STXBP5L: variants seen among roughly 807,000 people sequenced by gnomAD.
The protein encoded by STXBP5L is syntaxin-binding protein 5-like.
In STXBP5L, 65 loss-of-function variants were observed where a neutral mutation model predicts 144.5. The ratio of observed to expected loss-of-function variants is 0.45; its 90% confidence interval spans 0.37 to 0.55. The LOEUF (loss-of-function observed/expected upper bound fraction) is 0.55, where lower values mean the gene tolerates loss of function less well. STXBP5L is among the 20% of genes least tolerant of loss of function. The probability of loss-of-function intolerance (pLI) is 0.00; values close to 1 mark genes in which losing one functional copy is unlikely to be tolerated. For synonymous variants in STXBP5L, 505 were observed against 469.6 expected (o/e 1.08, Z -0.97); for missense variants, 1,298 against 1,405.5 (o/e 0.92, Z 1.22).
intron 5 of STXBP5L, among the ~76,000 whole-genome samples, chr3:121,045,878 T>C (rs1269903717): frequency 6.6e-6 from 1 of 152,148 alleles, no homozygotes; most frequent in Non-Finnish European, 1.5e-5. Context: ...GCATGATTGC[T>C]CTGCCTAGGA....
chr3:121,150,604 T>C (rs1393606435), intron 7 of STXBP5L, among the ~76,000 whole-genome samples: 1 of 152,202 alleles, frequency 6.6e-6, no homozygotes, highest in Non-Finnish European at 1.5e-5. Context: ...AAATCAACTT[T>C]TATCTTTCAG....
chr3:120,967,501 T>C (rs80115122), intron 3 of STXBP5L, among the ~76,000 whole-genome samples: 18,291 of 152,240 alleles, frequency 0.12, 1,150 homozygotes, highest in Non-Finnish European at 0.14. Flanking sequence ...TTTAGGTCTC[T>C]CTTTTGTTCT....
chr3:120,999,135 C>G (rs557172485), intron 3 of STXBP5L, among the ~76,000 whole-genome samples: 1 of 152,120 alleles, frequency 6.6e-6, no homozygotes, highest in Non-Finnish European at 1.5e-5. Flanking sequence ...TCACTGCAAC[C>G]TCTTCCTCCC....
chr3:121,236,554 C>A (rs2049489651), intron 12 of STXBP5L, among the ~76,000 whole-genome samples: 1 of 152,116 alleles, frequency 6.6e-6, no homozygotes, highest in African/African-American at 2.4e-5. Context: ...TTTTAAACAA[C>A]CAGCTCTCAT....
chr3:121,414,303 C>T (rs1218473023), intron 24 of STXBP5L, among the ~76,000 whole-genome samples: 25 of 152,074 alleles, frequency 1.6e-4, no homozygotes, highest in Admixed American at 1.6e-3. Context: ...TGTGCCAGTA[C>T]TGGGGAGACA....
At chr3:121,114,507 T>C (rs892049297) in intron 5 of STXBP5L, among the ~76,000 whole-genome samples, 1 of 152,170 alleles carries the variant, frequency 6.6e-6, no homozygotes, top group Non-Finnish European at 1.5e-5. Context: ...AAATATGATC[T>C]TAAAAATAGA....
intron 2 of STXBP5L, among the ~76,000 whole-genome samples, chr3:120,939,274 T>C (rs1313997144): frequency 6.6e-6 from 1 of 152,210 alleles, no homozygotes; most frequent in Non-Finnish European, 1.5e-5. Flanking sequence ...GACTTCTTGG[T>C]TTATTGCTAA....
chr3:121,244,969 C>G (rs896313002), intron 14 of STXBP5L, among the ~76,000 whole-genome samples: 1 of 152,034 alleles, frequency 6.6e-6, no homozygotes, highest in African/African-American at 2.4e-5. Flanking sequence ...CTAGACAACA[C>G]CACCGAAGCA....
At position 121,206,014 on chromosome 3, in the gene STXBP5L, A is replaced by C. The variant is rs754860552; in HGVS notation, c.956+13A>C. On this transcript the variant is annotated intron_variant, in intron 10 of 26. Transcript: ENST00000471454. Reference sequence around the variant, plus strand: ...CCTGCAAAAACAGGTATGCATTTTTACTTTAGGGAAAGAGGGATACGAAGC... The same window carrying C: ...CCTGCAAAAACAGGTATGCATTTTTCCTTTAGGGAAAGAGGGATACGAAGC... The C allele has an allele frequency of 2.1e-6, 3 of 1,459,276 alleles. No individual in the cohort carries two copies. The highest frequency in any genetic ancestry group is 1.8e-6 in the Non-Finnish European group (2 of 1,095,602). The allele number at this position is 1,459,276 out of a possible 1,614,324, so 90.4% of individuals were successfully genotyped here. A position where few individuals can be genotyped will look rare whatever the true frequency, so the allele number is the denominator to read the frequency against.
In STXBP5L at chr3:121,218,215, C is replaced by CTATAT. The variant is rs1443280743; in HGVS notation, c.957-4788_957-4787insTATAT. Among the ~76,000 whole-genome samples, 20 of 137,948 alleles carry CTATAT rather than the reference C, an allele frequency of 1.4e-4. No individual in the cohort carries two copies. In the East Asian group the frequency reaches 3.6e-3, roughly 25 times the overall value. The allele number at this position is 137,948 out of a possible 152,430, so 90.5% of individuals were successfully genotyped here. A position where few individuals can be genotyped will look rare whatever the true frequency, so the allele number is the denominator to read the frequency against. ...AGTATATATATTACTATATACTATA[C>CTATAT]ATAGTATAATATAGTATATATATTA... On this transcript the variant is annotated intron_variant, in intron 10 of 26. Coordinates refer to ENST00000471454, the MANE Select transcript of STXBP5L (RefSeq NM_001308330.2).
At chr3:121,299,358 A>C (rs1441487369) in intron 19 of STXBP5L, among the ~76,000 whole-genome samples, 1 of 152,168 alleles carries the variant, frequency 6.6e-6, no homozygotes, top group Non-Finnish European at 1.5e-5. Flanking sequence ...CTGTTTTTTC[A>C]GAGACAGTAA....
At position 120,961,707 on chromosome 3, in the gene STXBP5L, T is replaced by C. The variant is rs554486772; in HGVS notation, c.287+6670T>C. 2.6e-5 allele frequency among the ~76,000 whole-genome samples: 4 copies of C among 152,352 alleles called. No individual in the cohort carries two copies. The South Asian group carries it at 8.3e-4, about 32-fold the overall frequency. On this transcript the variant is annotated intron_variant, in intron 3 of 26. Coordinates refer to ENST00000471454, the MANE Select transcript of STXBP5L (RefSeq NM_001308330.2). ...ATTTGGGATGCTTCCAAGTCTTTGCTGTTGTGAATAGTGCCACCATAAACA... is the reference window on the plus strand; with the variant it reads ...ATTTGGGATGCTTCCAAGTCTTTGCCGTTGTGAATAGTGCCACCATAAACA...
intron 7 of STXBP5L, among the ~76,000 whole-genome samples, chr3:121,140,397 A>G (rs1004395311): frequency 3.3e-5 from 5 of 152,184 alleles, no homozygotes; most frequent in Non-Finnish European, 5.9e-5. Context: ...TATATAACTA[A>G]ATGAATTGCA....
intron 22 of STXBP5L, among the ~76,000 whole-genome samples, chr3:121,389,751 C>G (rs986243848): frequency 2.0e-5 from 3 of 152,164 alleles, no homozygotes; most frequent in East Asian, 1.9e-4. Context: ...GTCTGAGAGA[C>G]AGTTTGTTGT....
At chr3:121,338,566 C>G (rs554344341) in intron 20 of STXBP5L, among the ~76,000 whole-genome samples, 46 of 123,812 alleles carry the variant, frequency 3.7e-4, no homozygotes, top group Non-Finnish European at 5.8e-4. Context: ...TCATCTGAAC[C>G]TGGGAGGCAG....
intron 5 of STXBP5L, among the ~76,000 whole-genome samples, chr3:121,079,460 A>G (rs1329096214): frequency 6.6e-6 from 1 of 152,200 alleles, no homozygotes; most frequent in Non-Finnish European, 1.5e-5. Context: ...ACAGGCTGTT[A>G]ATATTCCTTT....
intron 13 of STXBP5L, 144 bp from the exon 14 acceptor site, chr3:121,240,296 A>G: frequency 1.6e-6 from 1 of 636,332 alleles, no homozygotes; most frequent in East Asian, 2.8e-5. Context: ...AAAGAATTAA[A>G]AGACAGCTAC....
At chr3:121,078,144 A>C (rs568304886) in intron 5 of STXBP5L, among the ~76,000 whole-genome samples, 10 of 146,188 alleles carry the variant, frequency 6.8e-5, no homozygotes, top group African/African-American at 2.5e-4. Flanking sequence ...GATACAGAGC[A>C]TCAATTGGTG....
At chr3:121,220,867 G>A (rs935693954) in intron 10 of STXBP5L, among the ~76,000 whole-genome samples, 5 of 152,052 alleles carry the variant, frequency 3.3e-5, no homozygotes, top group African/African-American at 1.2e-4. Flanking sequence ...GGGACTAATA[G>A]TACTTTCTTC....
Sources: allele counts gnomAD v4.1 joint callset (sites outside exome capture counted in the v4.1 genomes callset), GRCh38; gene constraint gnomAD v4.1.1; transcripts MANE v1.5; gene names NCBI Gene and HGNC (gene_info 2026-07-23, HGNC 2026-07-21).